Variants in FUT9 observed in about 807,000 individuals in gnomAD.
FUT9 encodes 4-galactosyl-N-acetylglucosaminide 3-alpha-L-fucosyltransferase 9.
A neutral mutation model predicts 29.7 loss-of-function variants in FUT9; 15 were observed. The ratio of observed to expected loss-of-function variants is 0.51; its 90% confidence interval spans 0.34 to 0.78. The LOEUF is 0.78. Among genes scored for constraint, FUT9 ranks in the 30% least tolerant of loss-of-function variants. FUT9 has a pLI of 0.01. For missense variants in FUT9, 319 were observed against 425.4 expected, an observed-to-expected ratio of 0.75 and a Z score of 2.20; for synonymous variants, 169 against 153.7, an observed-to-expected ratio of 1.10 and a Z score of -0.74.
intron 1 of FUT9, among the ~76,000 whole-genome samples, chr6:96,051,169 G>A (rs9390803): frequency 0.41 from 61,609 of 151,780 alleles, 13,873 homozygotes; most frequent in African/African-American, 0.6. Flanking sequence ...ATTATTTTAG[G>A]TTACATTATA....
rs1774016536 is a variant in FUT9, at chr6:96,215,291, G to A, written c.*11056G>A. 2 of 166,950 alleles carry A rather than the reference G, an allele frequency of 1.2e-5. No homozygotes were observed. The allele number at this position is 166,950 out of a possible 1,614,324, so 10.3% of individuals were successfully genotyped here. ...CCCTTAAACATGCTGTCACAACATG[G>A]ATTCCTTCTCATGGATGTCTTTCTA... On this transcript the variant is annotated 3_prime_UTR_variant, in exon 3 of 3. Coordinates refer to ENST00000302103, the MANE Select transcript of FUT9 (RefSeq NM_006581.4).
At chr6:96,200,778 A>G (rs2127990943) in intron 2 of FUT9, among the ~76,000 whole-genome samples, 1 of 152,210 alleles carries the variant, frequency 6.6e-6, no homozygotes, top group South Asian at 2.1e-4. Context: ...ATGAAAAGAG[A>G]CCCTTTCAGT....
chr6:96,017,830 C>T (rs958803821), intron 1 of FUT9, among the ~76,000 whole-genome samples: 10 of 152,084 alleles, frequency 6.6e-5, no homozygotes, highest in Admixed American at 6.5e-4. Flanking sequence ...GAGATGTATG[C>T]TTCATCACCT....
chr6:96,081,575 G>A (rs1412090480), intron 1 of FUT9, among the ~76,000 whole-genome samples: 2 of 151,912 alleles, frequency 1.3e-5, no homozygotes, highest in South Asian at 4.1e-4. Context: ...CAAGATGATG[G>A]TTGTGGTTTT....
intron 2 of FUT9, among the ~76,000 whole-genome samples, chr6:96,120,337 CT>C (rs1772000922): frequency 7.4e-6 from 1 of 134,838 alleles, no homozygotes; most frequent in South Asian, 2.3e-4. Context: ...GTGGTGCGAT[CT>C]CGGCCCAATG....
chr6:96,064,681 T>C (rs1436066862), intron 1 of FUT9, among the ~76,000 whole-genome samples: 1 of 152,184 alleles, frequency 6.6e-6, no homozygotes, highest in Non-Finnish European at 1.5e-5. Context: ...CCTCTATTCT[T>C]GGCTTATTTG....
chr6:96,107,480 G>A (rs965184239), intron 1 of FUT9, among the ~76,000 whole-genome samples: 14 of 152,258 alleles, frequency 9.2e-5, no homozygotes, highest in Admixed American at 8.5e-4. Flanking sequence ...TTCTAGTACT[G>A]CTTAAAGCTC....
rs1218432584 is a variant in FUT9 at position 96,205,199 on chromosome 6, A to G, written c.*964A>G. The G allele has an allele frequency of 1.2e-5, 2 of 167,032 alleles. No individual in the cohort carries two copies. Among genetic ancestry groups the G allele is most frequent in the South Asian group, 2.1e-4 (1 of 4,830 alleles). 10.3% of individuals were successfully genotyped at this position (167,032 alleles called of 1,614,324 possible). On this transcript the variant is annotated 3_prime_UTR_variant, in exon 3 of 3. Coordinates refer to ENST00000302103, the MANE Select transcript of FUT9 (RefSeq NM_006581.4). ...ATATGGATATAAGATTTGGCTCATA[A>G]TGATGAGCCCTATCATTTGATTTGA...
intron 2 of FUT9, among the ~76,000 whole-genome samples, chr6:96,164,040 A>C (rs12205400): frequency 0.16 from 24,334 of 152,124 alleles, 2,160 homozygotes; most frequent in African/African-American, 0.19. Flanking sequence ...TTAGGGAGAC[A>C]TATGACATCA....
intron 1 of FUT9, among the ~76,000 whole-genome samples, chr6:96,070,255 T>A (rs1218544222): frequency 6.6e-6 from 1 of 152,158 alleles, no homozygotes; most frequent in Non-Finnish European, 1.5e-5. Context: ...TGAAGCTATT[T>A]GAACAACATT....
At chr6:96,048,291 C>T (rs1242694338) in intron 1 of FUT9, among the ~76,000 whole-genome samples, 1 of 152,130 alleles carries the variant, frequency 6.6e-6, no homozygotes, top group Non-Finnish European at 1.5e-5. Context: ...TTCAGGGATT[C>T]CCACCCAGAC....
intron 2 of FUT9, among the ~76,000 whole-genome samples, chr6:96,147,974 C>G (rs536862118): frequency 6.6e-6 from 1 of 151,182 alleles, no homozygotes; most frequent in Non-Finnish European, 1.5e-5. Flanking sequence ...TAAAGAGTAC[C>G]GAAGCGAAAA....
chr6:96,043,350 G>A (rs1240995361), intron 1 of FUT9, among the ~76,000 whole-genome samples: 3 of 152,132 alleles, frequency 2.0e-5, no homozygotes, highest in East Asian at 1.9e-4. Flanking sequence ...GCGCCCAGAC[G>A]ATTGTTGTTT....
intron 1 of FUT9, among the ~76,000 whole-genome samples, chr6:96,021,466 C>T (rs1426448264): frequency 6.6e-6 from 1 of 151,868 alleles, no homozygotes; most frequent in Non-Finnish European, 1.5e-5. Flanking sequence ...AAACTTAAAT[C>T]TTCAAGGAAT....
chr6:96,111,500 T>G (rs1053826751), intron 1 of FUT9, among the ~76,000 whole-genome samples: 1 of 150,750 alleles, frequency 6.6e-6, no homozygotes, highest in Non-Finnish European at 1.5e-5. Flanking sequence ...TGTGATTTAT[T>G]CAGCATGCTG....
At chr6:96,040,781 C>A (rs925952027) in intron 1 of FUT9, among the ~76,000 whole-genome samples, 2 of 151,978 alleles carry the variant, frequency 1.3e-5, no homozygotes, top group African/African-American at 4.8e-5. Context: ...TAGGATGAAT[C>A]CCTGGATTTG....
chr6:96,057,407 C>T (rs1450628976), intron 1 of FUT9, among the ~76,000 whole-genome samples: 1 of 151,992 alleles, frequency 6.6e-6, no homozygotes, highest in Non-Finnish European at 1.5e-5. Flanking sequence ...GGAGAGAAAG[C>T]TCCAGTAAGC....
chr6:96,184,753 G>A (rs1433207273), intron 2 of FUT9, among the ~76,000 whole-genome samples: 1 of 151,968 alleles, frequency 6.6e-6, no homozygotes, highest in Admixed American at 6.6e-5. Flanking sequence ...CTATTTATTT[G>A]CATGGTTTTG....
intron 1 of FUT9, among the ~76,000 whole-genome samples, chr6:96,062,922 T>A (rs143230728): frequency 6.6e-6 from 1 of 152,290 alleles, no homozygotes; most frequent in African/African-American, 2.4e-5. Flanking sequence ...GAAAAAGAGT[T>A]AAAGTAGCTG....
Sources: gnomAD v4.1 joint callset for allele counts (sites outside exome capture counted in the v4.1 genomes callset) on GRCh38, gnomAD v4.1.1 for gene constraint, MANE v1.5 for transcripts, NCBI Gene and HGNC (gene_info 2026-07-23, HGNC 2026-07-21) for gene names.